RASA2: variants seen among roughly 807,000 people sequenced by gnomAD.
RASA2 encodes the protein ras GTPase-activating protein 2.
In RASA2, 155 loss-of-function variants were observed where a neutral mutation model predicts 118.2. That is an observed-to-expected ratio of 1.31 (90% CI 1.15 to 1.50). RASA2 has a LOEUF of 1.50. Ranked by LOEUF, RASA2 falls within the 40% of genes most tolerant of loss-of-function variation. The pLI, the probability that RASA2 is intolerant of heterozygous loss-of-function variation, is 0.00. For missense variants in RASA2, 1,016 were observed against 1,009.6 expected (o/e 1.01, Z -0.09); for synonymous variants, 353 against 349.1 (o/e 1.01, Z -0.12).
At chr3:141,558,717 T>C (rs1480533551) in intron 7 of RASA2, among the ~76,000 whole-genome samples, 169 bp from the exon 8 acceptor site, 1 of 152,110 alleles carries the variant, frequency 6.6e-6, no homozygotes, top group Non-Finnish European at 1.5e-5. Flanking sequence ...CCTTATTCTT[T>C]TCTGCTACTT....
chr3:141,528,326 A>T (rs568503432), intron 3 of RASA2, among the ~76,000 whole-genome samples: 1 of 152,104 alleles, frequency 6.6e-6, no homozygotes, highest in East Asian at 1.9e-4. Context: ...TAACAGTTTT[A>T]TTGAGATGTA....
intron 1 of RASA2, among the ~76,000 whole-genome samples, chr3:141,496,628 C>A (rs1183995462): frequency 2.0e-5 from 3 of 152,152 alleles, no homozygotes; most frequent in Non-Finnish European, 4.4e-5. Flanking sequence ...CTATCTCACA[C>A]CAGTTAGAAT....
intron 9 of RASA2, among the ~76,000 whole-genome samples, chr3:141,560,502 A>T (rs1018823872): frequency 6.6e-6 from 1 of 152,124 alleles, no homozygotes; most frequent in Non-Finnish European, 1.5e-5. Context: ...CTAAGGTCTT[A>T]TGTTGTTGAG....
intron 3 of RASA2, among the ~76,000 whole-genome samples, chr3:141,517,578 T>TC (rs2082045908): frequency 6.6e-6 from 1 of 152,136 alleles, no homozygotes; most frequent in Admixed American, 6.5e-5. Context: ...AGGCCCCTCC[T>TC]CCAACAGTGG....
At chr3:141,522,808 C>T (rs1577678910) in intron 3 of RASA2, among the ~76,000 whole-genome samples, 1 of 152,154 alleles carries the variant, frequency 6.6e-6, no homozygotes, top group Non-Finnish European at 1.5e-5. Context: ...CTGGCTACTC[C>T]ATGGTTTAAT....
At chr3:141,487,943 TTCCTGTG>T (rs1316810378) in intron 1 of RASA2, among the ~76,000 whole-genome samples, 2 of 152,172 alleles carry the variant, frequency 1.3e-5, no homozygotes, top group Non-Finnish European at 2.9e-5. Context: ...ATGTAGTGGC[TTCCTGTG>T]AGCAGGTCTC....
At chr3:141,530,131 CTT>C (rs2082240161) in intron 4 of RASA2, among the ~76,000 whole-genome samples, 2 of 151,970 alleles carry the variant, frequency 1.3e-5, no homozygotes, top group Admixed American at 6.6e-5. Context: ...TTAACTCTGA[CTT>C]TGGGGGAGAA....
intron 6 of RASA2, among the ~76,000 whole-genome samples, chr3:141,554,212 T>G (rs899248829): frequency 1.3e-5 from 2 of 152,218 alleles, no homozygotes; most frequent in African/African-American, 4.8e-5. Context: ...ATGTAGTACT[T>G]TAAAACATAA....
chr3:141,581,447 A>G (rs1021575220), intron 17 of RASA2, among the ~76,000 whole-genome samples: 2 of 152,206 alleles, frequency 1.3e-5, no homozygotes, highest in Non-Finnish European at 2.9e-5. Flanking sequence ...TCAAAGTGAC[A>G]CTATTGGCAT....
At chr3:141,598,452 TCTC>T (rs1182174007) in intron 19 of RASA2, among the ~76,000 whole-genome samples, 1 of 152,172 alleles carries the variant, frequency 6.6e-6, no homozygotes, top group East Asian at 1.9e-4. Flanking sequence ...TAAAAGATAA[TCTC>T]CTAAATCTGA....
intron 3 of RASA2, 59 bp downstream of exon 3, chr3:141,516,490 T>C (rs926062193): frequency 8.1e-7 from 1 of 1,238,116 alleles, no homozygotes; most frequent in Non-Finnish European, 1.0e-6. Context: ...TCATTCGTTC[T>C]CTTAGTATAG....
rs1359414969 is a variant in RASA2 at position 141,609,874 on chromosome 3, TA to T, written c.2330-2del. On this transcript the variant is annotated splice_acceptor_variant, in intron 22 of 23. Transcript: ENST00000286364. LOFTEE classifies it high-confidence loss of function. ...CAGAGATTTATTTTCCTGCTCTTTG[TA>T]GAGGCTTGTGGAACTATTGCAGTCT... The T allele has an allele frequency of 6.4e-7, 1 of 1,550,486 alleles. No individual in the cohort carries two copies. The highest frequency in any genetic ancestry group is 8.7e-7 in the Non-Finnish European group (1 of 1,154,488).
At chr3:141,598,914 G>A (rs1354694510) in intron 19 of RASA2, among the ~76,000 whole-genome samples, 3 of 151,862 alleles carry the variant, frequency 2.0e-5, no homozygotes, top group African/African-American at 7.3e-5. Context: ...CTGAAACTTC[G>A]TCTCTACTAA....
intron 3 of RASA2, among the ~76,000 whole-genome samples, chr3:141,518,600 T>A (rs138937415): frequency 1.3e-5 from 2 of 150,926 alleles, no homozygotes; most frequent in East Asian, 3.9e-4. Context: ...ATGGTCTGTG[T>A]CAGTCCTCTG....
Position 141,612,519 on chromosome 3 carries a change from A to G in RASA2, c.*206A>G. 1 of 479,474 alleles carries G rather than the reference A, an allele frequency of 2.1e-6. No homozygotes were observed. The highest frequency in any genetic ancestry group is 3.7e-6 in the Non-Finnish European group (1 of 267,734). 29.7% of individuals were successfully genotyped at this position (479,474 alleles called of 1,614,324 possible). A position where few individuals can be genotyped will look rare whatever the true frequency, so the allele number is the denominator to read the frequency against. On this transcript the variant is annotated 3_prime_UTR_variant, in exon 24 of 24. Transcript: ENST00000286364. ...ATTACTAGAGAATTTAAAGCCCAAGATTCCCTTCATACCTGTGTGACCAAA... is the reference window on the plus strand; with the variant it reads ...ATTACTAGAGAATTTAAAGCCCAAGGTTCCCTTCATACCTGTGTGACCAAA...
At chr3:141,487,852 C>T (rs1424242596) in intron 1 of RASA2, among the ~76,000 whole-genome samples, 1 of 152,136 alleles carries the variant, frequency 6.6e-6, no homozygotes, top group Non-Finnish European at 1.5e-5. Context: ...AGGAGCTCGG[C>T]GGGACACCTG....
chr3:141,490,840 G>A (rs974232340), intron 1 of RASA2, among the ~76,000 whole-genome samples: 3 of 152,138 alleles, frequency 2.0e-5, no homozygotes, highest in East Asian at 1.9e-4. Flanking sequence ...ATAAAATGGG[G>A]ATAGTAAAAA....
At chr3:141,607,826 C>T (rs1006579092) in intron 20 of RASA2, 66 bp downstream of exon 20, 8 of 1,434,868 alleles carry the variant, frequency 5.6e-6, no homozygotes, top group African/African-American at 2.9e-5. Context: ...ATTTGTATTT[C>T]GAGGTATTTG....
chr3:141,564,311 A>C (rs531746993), intron 9 of RASA2, among the ~76,000 whole-genome samples: 17 of 152,286 alleles, frequency 1.1e-4, no homozygotes, highest in African/African-American at 3.9e-4. Flanking sequence ...AAACCAAAAC[A>C]GAGTTTGTTT....
Sources: gnomAD v4.1 joint callset for allele counts (sites outside exome capture counted in the v4.1 genomes callset) on GRCh38, gnomAD v4.1.1 for gene constraint, MANE v1.5 for transcripts, NCBI Gene and HGNC (gene_info 2026-07-23, HGNC 2026-07-21) for gene names.